IL15: variants seen among roughly 807,000 people sequenced by gnomAD.
IL15 encodes interleukin 15.
In IL15, 11 loss-of-function variants were observed where a neutral mutation model predicts 19.6. The ratio of observed to expected loss-of-function variants is 0.56; its 90% CI spans 0.35 to 0.93. The LOEUF is 0.93. Ranked by LOEUF, IL15 falls within the 40% of genes least tolerant of loss-of-function variation. The pLI is 0.01. For missense variants in IL15, 197 were observed against 186.5 expected, an observed-to-expected ratio of 1.06 and a Z score of -0.33; for synonymous variants, 58 against 59.6, an observed-to-expected ratio of 0.97 and a Z score of 0.12.
chr4:141,685,532 G>A (rs773335436), intron 2 of IL15, among the ~76,000 whole-genome samples: 3 of 151,688 alleles, frequency 2.0e-5, no homozygotes, highest in African/African-American at 4.8e-5. Context: ...GCTCCCTCAT[G>A]GAAAAAAAGG....
chr4:141,694,613 G>A (rs752928205), intron 2 of IL15, among the ~76,000 whole-genome samples: 2 of 152,164 alleles, frequency 1.3e-5, no homozygotes, highest in African/African-American at 4.8e-5. Context: ...TTCTTAGACC[G>A]TCTTTTTCCT....
intron 2 of IL15, among the ~76,000 whole-genome samples, chr4:141,702,644 G>T (rs1350048793): frequency 1.3e-5 from 2 of 152,246 alleles, no homozygotes; most frequent in Admixed American, 1.3e-4. Context: ...CCTGAGAGCA[G>T]TGATATTCTG....
chr4:141,681,538 T>C lies in IL15; in HGVS notation c.-100+25231T>C, dbSNP rs150777620. ...TAGAATGCCATGAGTGGGAAAACAATTTCTTTCATCTTTTCTGATAATGTT... is the reference window on the plus strand; with the variant it reads ...TAGAATGCCATGAGTGGGAAAACAACTTCTTTCATCTTTTCTGATAATGTT... On this transcript the variant is annotated intron_variant, in intron 2 of 7. Transcript: ENST00000320650. Among the ~76,000 whole-genome samples the C allele has an allele frequency of 1.8e-3, 279 of 152,266 alleles. 1 individual carries two copies. The highest frequency in any genetic ancestry group is 6.4e-3 in the African/African-American group (265 of 41,554).
At chr4:141,728,339 A>T (rs1021923327) in intron 6 of IL15, among the ~76,000 whole-genome samples, 22 of 152,126 alleles carry the variant, frequency 1.4e-4, no homozygotes, top group African/African-American at 4.8e-4. Flanking sequence ...GTTATTTCCA[A>T]TGCTGTAATG....
chr4:141,637,745 G>A (rs962441469), intron 1 of IL15, among the ~76,000 whole-genome samples: 2 of 152,142 alleles, frequency 1.3e-5, no homozygotes, highest in African/African-American at 4.8e-5. Flanking sequence ...GAAGTAAAGT[G>A]GTGGTCACCA....
intron 2 of IL15, among the ~76,000 whole-genome samples, chr4:141,677,155 A>T (rs1366750642): frequency 6.6e-6 from 1 of 152,148 alleles, no homozygotes; most frequent in African/African-American, 2.4e-5. Flanking sequence ...TCAAAGTTAC[A>T]CCAAGTGTGC....
chr4:141,720,430 TAAA>T (rs1289768302), intron 3 of IL15, 36 bp from the exon 4 acceptor site: 3 of 1,061,424 alleles, frequency 2.8e-6, no homozygotes, highest in African/African-American at 3.2e-5. Context: ...ACTTTTTAAC[TAAA>T]AAATTTAACC....
At chr4:141,730,132 T>G in intron 7 of IL15, 148 bp downstream of exon 7, 1 of 716,264 alleles carries the variant, frequency 1.4e-6, no homozygotes, top group Non-Finnish European at 2.5e-6. Flanking sequence ...TGGCACCATC[T>G]CCAGCATGCA....
chr4:141,679,905 C>A (rs1164262808), intron 2 of IL15, among the ~76,000 whole-genome samples: 9 of 152,180 alleles, frequency 5.9e-5, no homozygotes, highest in Non-Finnish European at 1.3e-4. Context: ...GCTATAACTT[C>A]TCTTCCTAGA....
At chr4:141,659,993 C>A (rs1414746610) in intron 2 of IL15, among the ~76,000 whole-genome samples, 2 of 152,060 alleles carry the variant, frequency 1.3e-5, no homozygotes, top group African/African-American at 2.4e-5. Flanking sequence ...GAATTAAAGA[C>A]CTCAAGTATC....
Position 141,706,684 on chromosome 4 carries a change from C to T in IL15, c.-99-12682C>T, listed in dbSNP as rs184541761. 1.8e-4 allele frequency among the ~76,000 whole-genome samples: 27 copies of T among 151,672 alleles called. No individual in the cohort carries two copies. In the East Asian group the frequency reaches 4.3e-3, roughly 24 times the overall value. On this transcript the variant is annotated intron_variant, in intron 2 of 7. Coordinates refer to ENST00000320650, the MANE Select transcript of IL15 (RefSeq NM_000585.5). ...CCTTCATTTTTGAAGGATAGCTTTG[C>T]TGAATATAGTGTTCTTGGCTGATTT...
chr4:141,711,899 C>T (rs1412910821), intron 2 of IL15, among the ~76,000 whole-genome samples: 1 of 152,030 alleles, frequency 6.6e-6, no homozygotes, highest in Non-Finnish European at 1.5e-5. Flanking sequence ...AAGATGAATT[C>T]TCTTGTCTTG....
At position 141,733,593 on chromosome 4, in the gene IL15, A is replaced by G. The variant is rs542132703; in HGVS notation, c.*745A>G. 6.6e-6 allele frequency: 1 copy of G among 152,328 alleles called. No individual in the cohort carries two copies. The highest frequency in any genetic ancestry group is 1.9e-4 in the East Asian group (1 of 5,190). 9.4% of individuals were successfully genotyped at this position (152,328 alleles called of 1,614,324 possible). A position where few individuals can be genotyped will look rare whatever the true frequency, so the allele number is the denominator to read the frequency against. On this transcript the variant is annotated 3_prime_UTR_variant, in exon 8 of 8. Coordinates refer to ENST00000320650, the MANE Select transcript of IL15 (RefSeq NM_000585.5). The stretch of plus-strand genomic sequence containing the variant: ...CCAGGACAACTTTGAATGTGGCCCA[A>G]CACAAATTCATAAACTTTCATACAT...
intron 1 of IL15, chr4:141,637,100 G>C (rs1204530364): frequency 6.6e-6 from 1 of 152,310 alleles, no homozygotes; most frequent in East Asian, 1.9e-4. Context: ...CCCGCGCTCC[G>C]CTGGGAGGGT....
intron 2 of IL15, among the ~76,000 whole-genome samples, chr4:141,681,926 T>C (rs898863778): frequency 2.0e-5 from 3 of 152,200 alleles, no homozygotes; most frequent in Non-Finnish European, 4.4e-5. Context: ...AGAATCATTA[T>C]TTTCTTTCGG....
intron 2 of IL15, among the ~76,000 whole-genome samples, chr4:141,709,555 C>A (rs1225185928): frequency 6.6e-6 from 1 of 151,702 alleles, no homozygotes; most frequent in Non-Finnish European, 1.5e-5. Context: ...GGAAATGCTA[C>A]AAAACAACGA....
chr4:141,699,257 A>T (rs1443400224), intron 2 of IL15, among the ~76,000 whole-genome samples: 1 of 152,204 alleles, frequency 6.6e-6, no homozygotes, highest in East Asian at 1.9e-4. Flanking sequence ...CATATGGTCT[A>T]TCTTGTAGAA....
At chr4:141,717,662 C>CTT (rs1377678587) in intron 2 of IL15, 5 of 141,552 alleles carry the variant, frequency 3.5e-5, no homozygotes, top group Admixed American at 7.1e-5. Flanking sequence ...TAAAATACTT[C>CTT]TTTTTTTTTT....
intron 2 of IL15, among the ~76,000 whole-genome samples, chr4:141,708,960 G>C (rs1190531970): frequency 6.6e-6 from 1 of 150,504 alleles, no homozygotes; most frequent in African/African-American, 2.5e-5. Flanking sequence ...GTTTATAAGT[G>C]GATGGGATTT....
Sources: gnomAD v4.1 joint callset for allele counts (sites outside exome capture counted in the v4.1 genomes callset) on GRCh38, gnomAD v4.1.1 for gene constraint, MANE v1.5 for transcripts, NCBI Gene and HGNC (gene_info 2026-07-23, HGNC 2026-07-21) for gene names.